PRKDC: variants seen among roughly 807,000 people sequenced by gnomAD.
The protein encoded by PRKDC is protein kinase, DNA-activated, catalytic subunit.
A neutral mutation model predicts 486.9 loss-of-function variants in PRKDC; 82 were observed. The observed-to-expected ratio is 0.17, with a 90% CI of 0.14 to 0.20. PRKDC has a LOEUF of 0.20. Ranked by LOEUF, PRKDC falls within the 10% of genes least tolerant of loss-of-function variation. The pLI is 1.00. For synonymous variants in PRKDC, 1,895 were observed against 1,837.0 expected (o/e 1.03, Z -0.81); for missense variants, 4,504 against 5,038.2 (o/e 0.89, Z 3.21).
At position 47,889,485 on chromosome 8, in the gene PRKDC, G is replaced by A. The variant is rs8178095; in HGVS notation, c.4072-263C>T. 0.13 allele frequency among the ~76,000 whole-genome samples: 20,086 copies of A among 152,250 alleles called. 2,167 individuals carry two copies. The highest frequency in any genetic ancestry group is 0.27 in the African/African-American group (11,148 of 41,506). On this transcript the variant is annotated intron_variant, in intron 32 of 85. Transcript: ENST00000314191. ...CATGCTCCTATTTAGCTTTATCTAC[G>A]GAGCAGGCAGCAGGTGAGGTTGTGT...
intron 25 of PRKDC, among the ~76,000 whole-genome samples, chr8:47,908,797 CACAG>C (rs1352498021): frequency 6.6e-6 from 1 of 152,180 alleles, no homozygotes; most frequent in Non-Finnish European, 1.5e-5. Flanking sequence ...TAAAGATATA[CACAG>C]ACAGATATGC....
Position 47,834,184 on chromosome 8 carries a change from A to G in PRKDC, c.8152+12T>C, listed in dbSNP as rs778004964. 1 of 1,614,036 alleles carries G rather than the reference A, an allele frequency of 6.2e-7. No homozygotes were observed. The highest frequency in any genetic ancestry group is 1.1e-5 in the South Asian group (1 of 91,086). ...GGAAGCTATTTTAAGCACACTCAGC[A>G]ACCCAGCTTACCTTTCACTTTGTTA... On this transcript the variant is annotated intron_variant, in intron 59 of 85. Transcript: ENST00000314191.
At chr8:47,781,724 C>A (rs1410829679) in intron 80 of PRKDC, among the ~76,000 whole-genome samples, 1 of 152,200 alleles carries the variant, frequency 6.6e-6, no homozygotes, top group Admixed American at 6.5e-5. Flanking sequence ...AGCTACCCCA[C>A]TTTACAGGCT....
At chr8:47,905,023 A>C (rs1644197967) in intron 25 of PRKDC, 47 bp from the exon 26 acceptor site, 4 of 1,365,786 alleles carry the variant, frequency 2.9e-6, no homozygotes, top group Non-Finnish European at 4.2e-6. Flanking sequence ...TGTTAAAGAA[A>C]TGTTACGCTG....
At chr8:47,797,983 A>G (rs774060310) in intron 73 of PRKDC, among the ~76,000 whole-genome samples, 7 of 151,878 alleles carry the variant, frequency 4.6e-5, no homozygotes, top group Non-Finnish European at 8.8e-5. Flanking sequence ...CATCCCACAC[A>G]CCCCGTCTCC....
At chr8:47,896,646 CAAAAA>C (rs142849899) in intron 30 of PRKDC, among the ~76,000 whole-genome samples, 3 of 52,892 alleles carry the variant, frequency 5.7e-5, no homozygotes, top group African/African-American at 2.0e-4. Flanking sequence ...GACTCCGTCT[CAAAAA>C]AAAAAAAAAA....
In PRKDC at chr8:47,927,877, A is replaced by ATTTT. The variant is rs1563807574; in HGVS notation, c.2149_2152dup (p.Met718LysfsTer8). On this transcript the variant is annotated frameshift_variant, in exon 20 of 86. Transcript: ENST00000314191. LOFTEE classifies it high-confidence loss of function. ...CAAAAGTTCATCTTTGTACTGCTTC[A>ATTTT]TTTTAACTGCCACCTTAACAAGAAA... 6.4e-7 allele frequency: 1 copy of ATTTT among 1,574,758 alleles called. No homozygotes were observed. The highest frequency in any genetic ancestry group is 1.4e-5 in the African/African-American group (1 of 73,038).
intron 40 of PRKDC, among the ~76,000 whole-genome samples, chr8:47,876,479 T>C (rs2089094371): frequency 6.6e-6 from 1 of 151,992 alleles, no homozygotes; most frequent in Admixed American, 6.6e-5. Context: ...CTGGCCAACA[T>C]GGTGAGACCC....
At chr8:47,954,008 ATAAAG>A in intron 5 of PRKDC, 89 bp from the exon 6 acceptor site, 1 of 736,112 alleles carries the variant, frequency 1.4e-6, no homozygotes, top group Non-Finnish European at 2.1e-6. Context: ...ATAAAATAAA[ATAAAG>A]TTCAAAATTG....
chr8:47,951,361 AG>A lies in PRKDC; in HGVS notation c.721+2258del, dbSNP rs2090622077. Among the ~76,000 whole-genome samples, 7 of 150,274 alleles carry A rather than the reference AG, an allele frequency of 4.7e-5. No individual in the cohort carries two copies. The South Asian group carries it at 1.5e-3, about 32-fold the overall frequency. On this transcript the variant is annotated intron_variant, in intron 7 of 85. Coordinates refer to ENST00000314191, the MANE Select transcript of PRKDC (RefSeq NM_006904.7). ...GGGCAACAGAGTGAGACCCTGTCTC[AG>A]AAAAAAAAAAGAAAAGAAAAAGGGA...
chr8:47,882,194 A>C, intron 36 of PRKDC, 97 bp from the exon 37 acceptor site: 2 of 1,164,586 alleles, frequency 1.7e-6, no homozygotes, highest in Non-Finnish European at 2.4e-6. Flanking sequence ...TTGGAAAATA[A>C]ATAAGCTATT....
At chr8:47,937,876 G>A (rs997732800) in intron 11 of PRKDC, among the ~76,000 whole-genome samples, 4 of 152,152 alleles carry the variant, frequency 2.6e-5, no homozygotes, top group African/African-American at 9.7e-5. Context: ...AGTGCTTTGG[G>A]GACTGAGGCG....
At chr8:47,830,768 G>A (rs1238213131) in intron 60 of PRKDC, 32 bp from the exon 61 acceptor site, 15 of 1,613,394 alleles carry the variant, frequency 9.3e-6, no homozygotes, top group African/African-American at 1.3e-5. Flanking sequence ...AAGAAGATGA[G>A]CATTCTCATT....
intron 74 of PRKDC, among the ~76,000 whole-genome samples, chr8:47,791,893 C>T (rs2154497874): frequency 6.6e-6 from 1 of 152,298 alleles, no homozygotes; most frequent in South Asian, 2.1e-4. Flanking sequence ...TATCTGCACT[C>T]CCATGTTTAT....
Position 47,833,733 on chromosome 8 carries a change from G to T in PRKDC, c.8152+463C>A, listed in dbSNP as rs189554197. Among the ~76,000 whole-genome samples the T allele has an allele frequency of 4.6e-5, 7 of 152,134 alleles. No individual in the cohort carries two copies. In the East Asian group the frequency reaches 1.4e-3, roughly 29 times the overall value. On this transcript the variant is annotated intron_variant, in intron 59 of 85. Coordinates refer to ENST00000314191, the MANE Select transcript of PRKDC (RefSeq NM_006904.7). ...GTCCCTTCACCTGGACTGCAGAATC[G>T]ATCTGAGCCTACCCACCCTGACACT...
Position 47,960,027 on chromosome 8 carries a change from G to C in PRKDC, c.100C>G (p.Leu34Val). The C allele has an allele frequency of 6.5e-7, 1 of 1,534,368 alleles. No individual in the cohort carries two copies. Among genetic ancestry groups the C allele is most frequent in the Non-Finnish European group, 8.7e-7 (1 of 1,146,622 alleles). Residue 34 changes from leucine (L) to valine (V), a missense_variant, in exon 1 of 86, where the codon CTG becomes GTG. Leu to Val is a conservative substitution (Grantham distance 32). Around this residue, in one of 6 missense-constraint regions of PRKDC, gnomAD observed 145 missense variants for 136.3 expected, o/e 1.06. Transcript: ENST00000314191. ...CATTCCTGCCCCAGGCCGCGGATCAGTTGATGACCGGCCAGGGCAGCACCG... is the reference window on the plus strand; with the variant it reads ...CATTCCTGCCCCAGGCCGCGGATCACTTGATGACCGGCCAGGGCAGCACCG... Reference protein sequence around the residue: ...RCGAALAGHQLIRGLGQECVL... With the variant: ...RCGAALAGHQVIRGLGQECVL...
Position 47,782,228 on chromosome 8 carries a change from T to G in PRKDC, c.11423A>C (p.Asn3808Thr). Residue 3808 changes from asparagine to threonine, a missense_variant, in exon 80 of 86, where the codon AAT (asparagine) becomes ACT (threonine). Asn to Thr is a moderately conservative substitution (Grantham distance 65). Coordinates refer to ENST00000314191, the MANE Select transcript of PRKDC (RefSeq NM_006904.7). The surrounding 1 kb of genome is among the most constrained non-coding windows in gnomAD (Gnocchi z 4.9). ...SRLGLIEWLE[N>T]TVTLKDLLLN... Reference sequence around the variant, plus strand: ...AAGAAGGTCCTTCAAGGTAACAGTATTTTCAAGCCACTCAATTAATCCTAA... The same window carrying G: ...AAGAAGGTCCTTCAAGGTAACAGTAGTTTCAAGCCACTCAATTAATCCTAA... The G allele has an allele frequency of 1.9e-6, 3 of 1,614,016 alleles. No individual in the cohort carries two copies. Among genetic ancestry groups the G allele is most frequent in the Non-Finnish European group, 2.5e-6 (3 of 1,179,856 alleles).
intron 7 of PRKDC, among the ~76,000 whole-genome samples, chr8:47,952,432 T>C (rs1025962228): frequency 1.3e-5 from 2 of 152,232 alleles, no homozygotes; most frequent in African/African-American, 4.8e-5. Context: ...TGGAGACAGA[T>C]GAAGGGTTAT....
Position 47,900,043 on chromosome 8 carries a change from C to T in PRKDC, c.3364+330G>A, listed in dbSNP as rs8178077. 6.6e-3 allele frequency among the ~76,000 whole-genome samples: 1,007 copies of T among 152,324 alleles called. 6 individuals are homozygous for T. Among genetic ancestry groups the T allele is most frequent in the Non-Finnish European group, 0.011 (761 of 68,028 alleles). On this transcript the variant is annotated intron_variant, in intron 28 of 85. Transcript: ENST00000314191. ...GTTACCACATCCAGTTTCTTCAGCA[C>T]CATATCTGCACAGTTTCATGTTCTG...
Sources: gnomAD v4.1 joint callset for allele counts (sites outside exome capture counted in the v4.1 genomes callset) on GRCh38, gnomAD v4.1.1 for gene constraint, gnomAD v4.1.1 regional missense constraint, Gnocchi (gnomAD v3.1) non-coding constraint, MANE v1.5 for transcripts, NCBI Gene and HGNC (gene_info 2026-07-23, HGNC 2026-07-21) for gene names.